The following GFRAL variants were observed in gnomAD, a reference collection of about 807,000 sequenced individuals.
GFRAL encodes the protein GDNF family receptor alpha-like.
In GFRAL, 36 loss-of-function variants were observed where a neutral mutation model predicts 45.4. The ratio of observed to expected loss-of-function variants is 0.79; its 90% CI spans 0.61 to 1.05. GFRAL has a LOEUF of 1.05. Ranked by LOEUF, GFRAL falls within the 50% of genes least tolerant of loss-of-function variation. The pLI is 0.00. For synonymous variants in GFRAL, 166 were observed against 154.1 expected, an observed-to-expected ratio of 1.08 and a Z score of -0.57; for missense variants, 507 against 467.5, an observed-to-expected ratio of 1.08 and a Z score of -0.78.
chr6:55,350,116 A>G lies in GFRAL; in HGVS notation c.341A>G (p.Lys114Arg), dbSNP rs778710688. 5 of 1,541,110 alleles carry G rather than the reference A, an allele frequency of 3.2e-6. No individual in the cohort carries two copies. Among genetic ancestry groups the G allele is most frequent in the Admixed American group, 3.4e-5 (2 of 59,638 alleles). ...KSDNVKEDKF[K>R]WNLTTRSHHG... Reference sequence around the variant, plus strand: ...GATAACGTGAAAGAGGATAAATTCAAATGGAATCTAACTACACGTTCCCAT... The same window carrying G: ...GATAACGTGAAAGAGGATAAATTCAGATGGAATCTAACTACACGTTCCCAT... The change falls in exon 4 of 9, where the codon AAA (lysine) becomes AGA (arginine). Residue 114 changes from lysine to arginine, a missense_variant. Lys to Arg is a conservative substitution (Grantham distance 26, BLOSUM62 2). Coordinates refer to ENST00000340465, the MANE Select transcript of GFRAL (RefSeq NM_207410.2).
intron 6 of GFRAL, among the ~76,000 whole-genome samples, chr6:55,362,573 G>A (rs1488484780): frequency 6.6e-6 from 1 of 151,932 alleles, no homozygotes; most frequent in East Asian, 1.9e-4. Flanking sequence ...GGCCCTTAGA[G>A]CTAATAGGGA....
intron 6 of GFRAL, among the ~76,000 whole-genome samples, chr6:55,362,273 TGA>T (rs1768285516): frequency 7.6e-6 from 1 of 132,404 alleles, no homozygotes; most frequent in African/African-American, 3.0e-5. Flanking sequence ...GAAATGATAA[TGA>T]AAAAAAAAAA....
intron 3 of GFRAL, among the ~76,000 whole-genome samples, chr6:55,336,884 A>T (rs1428754887): frequency 6.6e-6 from 1 of 152,078 alleles, no homozygotes; most frequent in Non-Finnish European, 1.5e-5. Flanking sequence ...AGTGGAGGAA[A>T]TTCCTTATTT....
intron 5 of GFRAL, among the ~76,000 whole-genome samples, chr6:55,357,829 T>C (rs1768216536): frequency 6.6e-6 from 1 of 151,730 alleles, no homozygotes; most frequent in African/African-American, 2.4e-5. Context: ...TTAAACTTAG[T>C]AAAACATATT....
intron 1 of GFRAL, among the ~76,000 whole-genome samples, chr6:55,330,256 G>A (rs2127349195): frequency 6.6e-6 from 1 of 152,064 alleles, no homozygotes; most frequent in Non-Finnish European, 1.5e-5. Context: ...CTAATAACTT[G>A]GGTATAAGCC....
intron 8 of GFRAL, among the ~76,000 whole-genome samples, chr6:55,401,345 T>C (rs1026016758): frequency 1.3e-5 from 2 of 152,180 alleles, no homozygotes; most frequent in Non-Finnish European, 2.9e-5. Flanking sequence ...AAAACCTGTG[T>C]TGCCCCACAC....
chr6:55,359,730 A>G (rs190554258), intron 6 of GFRAL, among the ~76,000 whole-genome samples: 1 of 152,078 alleles, frequency 6.6e-6, no homozygotes, highest in Admixed American at 6.6e-5. Flanking sequence ...CTTATGTGGA[A>G]GCAGAAGAGT....
chr6:55,347,976 ATATT>A (rs1365537642), intron 3 of GFRAL, among the ~76,000 whole-genome samples: 1 of 151,766 alleles, frequency 6.6e-6, no homozygotes, highest in Non-Finnish European at 1.5e-5. Flanking sequence ...ATAAATCAAA[ATATT>A]TACATATACA....
At chr6:55,367,826 G>A (rs925824420) in intron 6 of GFRAL, among the ~76,000 whole-genome samples, 1 of 152,018 alleles carries the variant, frequency 6.6e-6, no homozygotes, top group Non-Finnish European at 1.5e-5. Flanking sequence ...TAGTCTGATG[G>A]CGTTCCCTTT....
At chr6:55,397,549 A>AT in intron 6 of GFRAL, among the ~76,000 whole-genome samples, 1 of 148,862 alleles carries the variant, frequency 6.7e-6, no homozygotes, top group Admixed American at 6.6e-5. Flanking sequence ...AAAAAAAAAA[A>AT]ATGCCTTAAC....
intron 6 of GFRAL, among the ~76,000 whole-genome samples, chr6:55,398,652 A>G (rs904329799): frequency 6.6e-6 from 1 of 152,220 alleles, no homozygotes; most frequent in African/African-American, 2.4e-5. Flanking sequence ...TGTATTTCTC[A>G]GAAACATGGC....
At chr6:55,393,374 A>ATG in intron 6 of GFRAL, among the ~76,000 whole-genome samples, 1 of 152,326 alleles carries the variant, frequency 6.6e-6, no homozygotes, top group East Asian at 1.9e-4. Flanking sequence ...AGTATTCTGT[A>ATG]GAACCAGTGT....
At chr6:55,367,675 G>T (rs1170578565) in intron 6 of GFRAL, among the ~76,000 whole-genome samples, 1 of 149,294 alleles carries the variant, frequency 6.7e-6, no homozygotes, top group African/African-American at 2.5e-5. Flanking sequence ...TGTCTGTAAA[G>T]TATTTTATTT....
Position 55,397,524 on chromosome 6 carries a change from CAAAAAAAAAAAAA to C in GFRAL, c.953-1642_953-1630del, listed in dbSNP as rs70986715. Among the ~76,000 whole-genome samples the C allele has an allele frequency of 3.3e-4, 22 of 67,422 alleles. 1 individual carries two copies. In the South Asian group the frequency reaches 0.013, roughly 38 times the overall value. 44.2% of individuals were successfully genotyped at this position (67,422 alleles called of 152,430 possible). ...TGGGCGACAGAGCGAGACTCCGTCT[CAAAAAAAAAAAAA>C]AAAAAAAAAAAAATGCCTTAACTGT... On this transcript the variant is annotated intron_variant, in intron 6 of 8. Transcript: ENST00000340465.
chr6:55,343,930 A>C (rs1768004722), intron 3 of GFRAL, among the ~76,000 whole-genome samples: 1 of 152,160 alleles, frequency 6.6e-6, no homozygotes, highest in African/African-American at 2.4e-5. Flanking sequence ...AAACCAGAAA[A>C]TCAACAAGAA....
intron 8 of GFRAL, 148 bp from the exon 9 acceptor site, chr6:55,401,642 G>T: frequency 1.6e-6 from 1 of 615,624 alleles, no homozygotes; most frequent in Non-Finnish European, 2.9e-6. Flanking sequence ...AAGAAAATAT[G>T]ATATTTTACT....
chr6:55,400,927 AC>A (rs543742842), intron 8 of GFRAL, among the ~76,000 whole-genome samples: 16 of 152,264 alleles, frequency 1.1e-4, no homozygotes, highest in African/African-American at 3.8e-4. Context: ...CTCAATCTTT[AC>A]TTCTTAACTA....
chr6:55,331,969 G>A (rs1767835118), intron 2 of GFRAL, 120 bp downstream of exon 2: 4 of 838,428 alleles, frequency 4.8e-6, no homozygotes, highest in Non-Finnish European at 7.2e-6. Context: ...ATTTAATCTT[G>A]ACCCCCATCG....
intron 6 of GFRAL, 109 bp downstream of exon 6, chr6:55,359,247 C>A: frequency 1.2e-6 from 1 of 865,146 alleles, no homozygotes; most frequent in Non-Finnish European, 1.7e-6. Flanking sequence ...CCAGCACAGA[C>A]ATTTTTGTGT....
Sources: gnomAD v4.1 joint callset for allele counts (sites outside exome capture counted in the v4.1 genomes callset) on GRCh38, gnomAD v4.1.1 for gene constraint, MANE v1.5 for transcripts, NCBI Gene and HGNC (gene_info 2026-07-23, HGNC 2026-07-21) for gene names.